Variants in NDRG3 observed in about 807,000 individuals in gnomAD.
NDRG3 encodes NDRG family member 3, also known as protein NDRG3.
In NDRG3, 23 loss-of-function variants were observed where a neutral mutation model predicts 57.2. That is an observed-to-expected ratio of 0.40 (90% CI 0.29 to 0.57). NDRG3 has a LOEUF of 0.57. NDRG3 is among the 20% of genes least tolerant of loss of function. The pLI is 0.42. For synonymous variants in NDRG3, 132 were observed against 162.6 expected, an observed-to-expected ratio of 0.81 and a Z score of 1.43; for missense variants, 384 against 457.3, an observed-to-expected ratio of 0.84 and a Z score of 1.46.
At chr20:36,715,110 T>G (rs1984194080) in intron 2 of NDRG3, among the ~76,000 whole-genome samples, 1 of 143,500 alleles carries the variant, frequency 7.0e-6, no homozygotes, top group South Asian at 2.3e-4. Context: ...AGAAACAGAC[T>G]TCATAAAGAA....
chr20:36,724,922 C>G (rs551224966), intron 1 of NDRG3, among the ~76,000 whole-genome samples: 9 of 152,224 alleles, frequency 5.9e-5, no homozygotes, highest in African/African-American at 1.7e-4. Context: ...GAACAAGACT[C>G]TGTCTCAAAA....
intron 12 of NDRG3, among the ~76,000 whole-genome samples, 154 bp from the exon 13 acceptor site, chr20:36,660,538 ATATTTATTTATT>A (rs200399384): frequency 9.3e-5 from 14 of 149,942 alleles, no homozygotes; most frequent in Non-Finnish European, 1.3e-4. Flanking sequence ...AGTGGGAGAT[ATATTTATTTATT>A]TATTTATTTA....
chr20:36,724,676 C>A (rs1984813197), intron 1 of NDRG3, among the ~76,000 whole-genome samples: 1 of 152,116 alleles, frequency 6.6e-6, no homozygotes, highest in South Asian at 2.1e-4. Context: ...ACCTGTAATC[C>A]CAGCACTTTG....
chr20:36,666,054 A>G (rs1979605280), intron 10 of NDRG3, among the ~76,000 whole-genome samples: 3 of 152,162 alleles, frequency 2.0e-5, no homozygotes, highest in South Asian at 4.1e-4. Context: ...GGAAAGAGCT[A>G]AAGAGACAAG....
At chr20:36,736,434 T>G (rs558665574) in intron 1 of NDRG3, among the ~76,000 whole-genome samples, 1 of 152,264 alleles carries the variant, frequency 6.6e-6, no homozygotes, top group South Asian at 2.1e-4. Context: ...CAGCTAGGTG[T>G]GGAGCTGGAA....
At chr20:36,708,647 C>CAAA (rs746647555) in intron 2 of NDRG3, among the ~76,000 whole-genome samples, 6 of 62,608 alleles carry the variant, frequency 9.6e-5, no homozygotes, top group Non-Finnish European at 1.5e-4. Flanking sequence ...GACTCCGTCT[C>CAAA]AAAAAAAAAA....
At chr20:36,688,288 G>C (rs1380063885) in intron 4 of NDRG3, among the ~76,000 whole-genome samples, 2 of 152,136 alleles carry the variant, frequency 1.3e-5, no homozygotes, top group Non-Finnish European at 2.9e-5. Context: ...CTGGTGACAG[G>C]CTCTAGCAAG....
At chr20:36,691,954 T>A (rs980050271) in intron 3 of NDRG3, among the ~76,000 whole-genome samples, 1 of 152,100 alleles carries the variant, frequency 6.6e-6, no homozygotes, top group Admixed American at 6.6e-5. Context: ...AGAGATTATG[T>A]TCTACATAGG....
At chr20:36,710,173 A>G (rs1983781567) in intron 2 of NDRG3, among the ~76,000 whole-genome samples, 1 of 152,060 alleles carries the variant, frequency 6.6e-6, no homozygotes, top group Non-Finnish European at 1.5e-5. Context: ...TGCAAAAAAA[A>G]ATTAGCTGAG....
intron 1 of NDRG3, among the ~76,000 whole-genome samples, chr20:36,742,319 T>C (rs1985962875): frequency 2.0e-5 from 3 of 152,236 alleles, no homozygotes; most frequent in Admixed American, 2.0e-4. Flanking sequence ...TGCTAGTTAA[T>C]GTCTTTAAGG....
Position 36,653,750 on chromosome 20 carries a change from C to T in NDRG3, c.947-49G>A. On this transcript the variant is annotated intron_variant, in intron 15 of 15. Coordinates refer to ENST00000349004, the MANE Select transcript of NDRG3 (RefSeq NM_032013.4). This position sits in a 1 kb window ranked among gnomAD's most constrained non-coding sequence, Gnocchi z 4.2. Reference sequence around the variant, plus strand: ...TAGAAGATGAAGCCCCGGTTAAGCCCAGCTAACCTAGGAGTCTCATCAAAG... The same window carrying T: ...TAGAAGATGAAGCCCCGGTTAAGCCTAGCTAACCTAGGAGTCTCATCAAAG... 2.6e-6 allele frequency: 4 copies of T among 1,553,552 alleles called. No individual in the cohort carries two copies. Among genetic ancestry groups the T allele is most frequent in the South Asian group, 2.3e-5 (2 of 88,104 alleles).
At chr20:36,684,061 CACA>C (rs1432810360) in intron 6 of NDRG3, among the ~76,000 whole-genome samples, 2 of 152,118 alleles carry the variant, frequency 1.3e-5, no homozygotes, top group Non-Finnish European at 2.9e-5. Flanking sequence ...GGGGTGGGAT[CACA>C]ACTCACTGTA....
chr20:36,673,073 A>C (rs890905442), intron 8 of NDRG3, among the ~76,000 whole-genome samples: 8 of 152,086 alleles, frequency 5.3e-5, no homozygotes, highest in Admixed American at 3.9e-4. Flanking sequence ...TGTGTTGCCC[A>C]GGGTAGTCTT....
At chr20:36,702,690 AT>A (rs35064051) in intron 3 of NDRG3, among the ~76,000 whole-genome samples, 327 of 141,998 alleles carry the variant, frequency 2.3e-3, no homozygotes, top group Middle Eastern at 3.6e-3. Flanking sequence ...TGCCCAGCTA[AT>A]TTTTTTTTTT....
chr20:36,696,625 C>G (rs1489561830), intron 3 of NDRG3, among the ~76,000 whole-genome samples: 3 of 152,054 alleles, frequency 2.0e-5, no homozygotes, highest in Non-Finnish European at 4.4e-5. Context: ...TCCCAAGTAG[C>G]TGGACTACAG....
intron 1 of NDRG3, among the ~76,000 whole-genome samples, chr20:36,732,276 G>A (rs192456496): frequency 1.2e-4 from 18 of 152,274 alleles, no homozygotes; most frequent in African/African-American, 3.8e-4. Context: ...GCAAAACTCC[G>A]AAATAGAAAA....
chr20:36,741,380 T>C (rs1238280950), intron 1 of NDRG3, among the ~76,000 whole-genome samples: 2 of 152,204 alleles, frequency 1.3e-5, no homozygotes, highest in Non-Finnish European at 2.9e-5. Context: ...ATCTGGCATA[T>C]AGCAGACACT....
rs148387356 is a variant in NDRG3 at position 36,683,624 on chromosome 20, A to G, written c.383+789T>C. Among the ~76,000 whole-genome samples, 691 of 148,804 alleles carry G rather than the reference A, an allele frequency of 4.6e-3. 2 individuals are homozygous for G. The highest frequency in any genetic ancestry group is 0.016 in the African/African-American group (633 of 40,188). ...GGAGTGAAACTCCATCTCAAAACAA[A>G]TAAATAAATAAATAAATATATGTAT... On this transcript the variant is annotated intron_variant, in intron 6 of 15. Transcript: ENST00000349004.
intron 2 of NDRG3, among the ~76,000 whole-genome samples, chr20:36,719,980 G>A (rs1192107631): frequency 2.6e-5 from 4 of 151,162 alleles, no homozygotes; most frequent in East Asian, 2.0e-4. Context: ...CCAGGTGCAC[G>A]CCTGTAATCC....
Sources: gnomAD v4.1 joint callset for allele counts (sites outside exome capture counted in the v4.1 genomes callset) on GRCh38, gnomAD v4.1.1 for gene constraint, Gnocchi (gnomAD v3.1) non-coding constraint, MANE v1.5 for transcripts, NCBI Gene and HGNC (gene_info 2026-07-23, HGNC 2026-07-21) for gene names.